ATG10: variants seen among roughly 807,000 people sequenced by gnomAD.
ATG10 encodes autophagy related 10, also known as ubiquitin-like-conjugating enzyme ATG10.
ATG10 carries 30 observed loss-of-function variants against 32.1 expected under a neutral mutation model. The observed-to-expected ratio is 0.94, with a 90% CI of 0.70 to 1.27. The LOEUF (loss-of-function observed/expected upper bound fraction) is 1.27. Among genes scored for constraint, ATG10 ranks in the 50% most tolerant of loss-of-function variants. The pLI is 0.00. For synonymous variants in ATG10, 87 were observed against 91.5 expected, an observed-to-expected ratio of 0.95 and a Z score of 0.28; for missense variants, 233 against 262.3, an observed-to-expected ratio of 0.89 and a Z score of 0.77.
chr5:82,111,738 C>G (rs1765628723), intron 3 of ATG10, among the ~76,000 whole-genome samples: 1 of 151,830 alleles, frequency 6.6e-6, no homozygotes, highest in African/African-American at 2.4e-5. Context: ...AATCTTTCTA[C>G]AAATGGCCTC....
intron 3 of ATG10, among the ~76,000 whole-genome samples, chr5:82,107,773 G>T (rs974440659): frequency 6.6e-6 from 1 of 152,002 alleles, no homozygotes; most frequent in Non-Finnish European, 1.5e-5. Context: ...TTTAGTTGGA[G>T]AGAAAGAAAT....
intron 2 of ATG10, among the ~76,000 whole-genome samples, chr5:82,012,080 T>TA (rs973775927): frequency 4.5e-4 from 69 of 152,324 alleles, no homozygotes; most frequent in African/African-American, 1.6e-3. Flanking sequence ...TCTCTGGCAG[T>TA]AAGGCTGCTG....
chr5:82,207,544 G>A (rs1236775651), intron 5 of ATG10, among the ~76,000 whole-genome samples: 4 of 152,100 alleles, frequency 2.6e-5, no homozygotes, highest in African/African-American at 9.7e-5. Context: ...TTTGATGGAT[G>A]TATATATAGC....
chr5:81,986,918 C>T (rs989450990), intron 1 of ATG10, among the ~76,000 whole-genome samples: 3 of 152,002 alleles, frequency 2.0e-5, no homozygotes, highest in Non-Finnish European at 4.4e-5. Flanking sequence ...TGGCTTGCAA[C>T]TGTAATCCCC....
chr5:82,253,639 G>A (rs935807140), intron 7 of ATG10, among the ~76,000 whole-genome samples: 3 of 152,212 alleles, frequency 2.0e-5, no homozygotes, highest in Non-Finnish European at 4.4e-5. Context: ...AGGCCTCACA[G>A]CAGGAGGTGA....
intron 3 of ATG10, among the ~76,000 whole-genome samples, chr5:82,079,339 G>C (rs1024091859): frequency 1.3e-5 from 2 of 151,444 alleles, no homozygotes; most frequent in Non-Finnish European, 2.9e-5. Flanking sequence ...AGCAGGCAAA[G>C]AGAGAGAGAG....
intron 2 of ATG10, among the ~76,000 whole-genome samples, chr5:82,030,502 C>T (rs1762715903): frequency 6.6e-6 from 1 of 152,174 alleles, no homozygotes; most frequent in African/African-American, 2.4e-5. Context: ...ATGTCTGCCA[C>T]ATCAAAAGTG....
chr5:82,119,262 G>T (rs1765947174), intron 3 of ATG10, among the ~76,000 whole-genome samples: 1 of 151,928 alleles, frequency 6.6e-6, no homozygotes, highest in African/African-American at 2.4e-5. Flanking sequence ...GATTTTTGTG[G>T]TCCATTGCCC....
chr5:82,093,205 C>T (rs571229187), intron 3 of ATG10, among the ~76,000 whole-genome samples: 1 of 152,154 alleles, frequency 6.6e-6, no homozygotes, highest in Non-Finnish European at 1.5e-5. Flanking sequence ...TTATCTCTCT[C>T]CCCATTTCTC....
rs554020364 is a variant in ATG10, at chr5:82,205,195, T to C, written c.453+26608T>C. On this transcript the variant is annotated intron_variant, in intron 5 of 7. Coordinates refer to ENST00000282185, the MANE Select transcript of ATG10 (RefSeq NM_031482.5). The stretch of plus-strand genomic sequence containing the variant: ...GTAAGAAAAGACTGAAATGTGCCCA[T>C]TGGGTTCAGCAACAACAACGTCATT... Among the ~76,000 whole-genome samples, 11 of 152,268 alleles carry C rather than the reference T, an allele frequency of 7.2e-5. No homozygotes were observed. In the East Asian group the frequency reaches 1.7e-3, roughly 24 times the overall value.
At chr5:82,146,827 T>A (rs2149874435) in intron 3 of ATG10, among the ~76,000 whole-genome samples, 1 of 152,328 alleles carries the variant, frequency 6.6e-6, no homozygotes, top group Middle Eastern at 3.4e-3. Flanking sequence ...GAATATATTT[T>A]TTCCTCAGTG....
chr5:82,120,252 G>A (rs1765993914), intron 3 of ATG10, among the ~76,000 whole-genome samples: 1 of 152,080 alleles, frequency 6.6e-6, no homozygotes, highest in South Asian at 2.1e-4. Context: ...GCAAAATCTT[G>A]AGTCTTCTGA....
intron 2 of ATG10, among the ~76,000 whole-genome samples, chr5:82,045,852 A>G (rs1209660377): frequency 1.3e-5 from 2 of 151,972 alleles, no homozygotes; most frequent in African/African-American, 4.8e-5. Flanking sequence ...GTACTGATCC[A>G]AGAAGTGAAT....
rs575228729 is a variant in ATG10 at position 82,053,463 on chromosome 5, A to T, written c.109-5032A>T. Reference sequence around the variant, plus strand: ...ATATGTCTTTTGACTTTATGGTGTTAAGAATTCGTTGCATGCCGTAGAATT... The same window carrying T: ...ATATGTCTTTTGACTTTATGGTGTTTAGAATTCGTTGCATGCCGTAGAATT... On this transcript the variant is annotated intron_variant, in intron 2 of 7. Transcript: ENST00000282185. 0.014 allele frequency among the ~76,000 whole-genome samples: 5 copies of T among 360 alleles called. No individual in the cohort carries two copies. The South Asian group carries it at 0.38, about 27-fold the overall frequency. 0.2% of individuals were successfully genotyped at this position (360 alleles called of 152,430 possible).
chr5:82,067,415 G>T lies in ATG10; in HGVS notation c.216+8813G>T, dbSNP rs1015995869. On this transcript the variant is annotated intron_variant, in intron 3 of 7. Coordinates refer to ENST00000282185, the MANE Select transcript of ATG10 (RefSeq NM_031482.5). Reference sequence around the variant, plus strand: ...CTTGAAACTAATCAGAAAGCAACATGTAGAGATGCGGCACTGAAACTATTT... The same window carrying T: ...CTTGAAACTAATCAGAAAGCAACATTTAGAGATGCGGCACTGAAACTATTT... Among the ~76,000 whole-genome samples the T allele has an allele frequency of 3.9e-5, 6 of 152,152 alleles. No homozygotes were observed. The East Asian group carries it at 9.6e-4, about 24-fold the overall frequency.
chr5:81,998,054 T>TAC (rs987068581), intron 2 of ATG10, among the ~76,000 whole-genome samples: 49 of 152,226 alleles, frequency 3.2e-4, no homozygotes, highest in African/African-American at 1.1e-3. Context: ...TGCAAAATAC[T>TAC]ACACAAGAAC....
At chr5:82,142,579 G>T (rs1033880911) in intron 3 of ATG10, among the ~76,000 whole-genome samples, 1 of 152,186 alleles carries the variant, frequency 6.6e-6, no homozygotes, top group South Asian at 2.1e-4. Context: ...CAAGCAAAGA[G>T]CCTCAGATGC....
At chr5:82,109,882 C>T (rs1382261280) in intron 3 of ATG10, among the ~76,000 whole-genome samples, 2 of 151,642 alleles carry the variant, frequency 1.3e-5, no homozygotes, top group African/African-American at 4.8e-5. Flanking sequence ...TATACATGTG[C>T]CATGTTGGTG....
intron 5 of ATG10, among the ~76,000 whole-genome samples, chr5:82,182,619 AGAAG>A (rs1744278373): frequency 6.6e-6 from 1 of 152,180 alleles, no homozygotes; most frequent in Admixed American, 6.6e-5. Context: ...AGGCAATCCC[AGAAG>A]TTGCAGAGTG....
Sources: allele counts gnomAD v4.1 joint callset (sites outside exome capture counted in the v4.1 genomes callset), GRCh38; gene constraint gnomAD v4.1.1; transcripts MANE v1.5; gene names NCBI Gene and HGNC (gene_info 2026-07-23, HGNC 2026-07-21).